The following PCDH15 variants were observed in gnomAD, a reference collection of about 807,000 sequenced individuals.
PCDH15 encodes the protein protocadherin related 15.
PCDH15 carries 129 observed loss-of-function variants against 178.5 expected under a neutral mutation model. The ratio of observed to expected loss-of-function variants is 0.72; its 90% CI spans 0.63 to 0.84. The LOEUF is 0.84. PCDH15 is among the 40% of genes least tolerant of loss of function. The pLI is 0.00. For synonymous variants in PCDH15, 800 were observed against 732.0 expected (o/e 1.09, Z -1.50); for missense variants, 2,230 against 2,099.9 (o/e 1.06, Z -1.21).
chr10:55,437,832 C>CTTTTTTTTTTTTT (rs778307616), intron 2 of PCDH15, among the ~76,000 whole-genome samples: 3 of 85,146 alleles, frequency 3.5e-5, no homozygotes, highest in African/African-American at 9.9e-5. Flanking sequence ...TATTGCTTTT[C>CTTTTTTTTTTTTT]TTTTTTTTTT....
chr10:54,091,381 T>C (rs1347769281), intron 15 of PCDH15, among the ~76,000 whole-genome samples: 1 of 152,144 alleles, frequency 6.6e-6, no homozygotes, highest in Non-Finnish European at 1.5e-5. Context: ...TGAGTTTCTG[T>C]CAGTGACTAC....
Position 54,926,844 on chromosome 10 carries a change from T to C in PCDH15, c.-79-29344A>G, listed in dbSNP as rs1418560748. ...GCATTTATTTGGATCTGTTTACTTT[T>C]TTATTATTCTAGATAGTAGTATATC... On this transcript the variant is annotated intron_variant, in intron 2 of 5. Coordinates refer to the PCDH15 transcript ENST00000458638. 2.0e-5 allele frequency among the ~76,000 whole-genome samples: 3 copies of C among 152,180 alleles called. No individual in the cohort carries two copies. In the East Asian group the frequency reaches 5.8e-4, roughly 29 times the overall value.
At chr10:55,389,515 G>C (rs1472186588) in intron 2 of PCDH15, among the ~76,000 whole-genome samples, 1 of 152,004 alleles carries the variant, frequency 6.6e-6, no homozygotes, top group Non-Finnish European at 1.5e-5. Flanking sequence ...AATGAAATAA[G>C]GCAGTCTCGA....
At chr10:54,743,860 A>G (rs960941826) in intron 1 of PCDH15, among the ~76,000 whole-genome samples, 1 of 152,076 alleles carries the variant, frequency 6.6e-6, no homozygotes, top group African/African-American at 2.4e-5. Flanking sequence ...AACACAAGGA[A>G]TTTTATTTTC....
chr10:54,236,679 T>A lies in PCDH15; in HGVS notation c.985+144A>T, dbSNP rs2054659047. 3 of 732,582 alleles carry A rather than the reference T, an allele frequency of 4.1e-6. No homozygotes were observed. In the South Asian group the frequency reaches 5.0e-5, roughly 12 times the overall value. The allele number at this position is 732,582 out of a possible 1,614,324, so 45.4% of individuals were successfully genotyped here. On this transcript the variant is annotated intron_variant, in intron 9 of 37. Transcript: ENST00000644397. ...AGGAAGCAAATATCTTGAATTATTA[T>A]TTTTAAAATGTGTTTATACACAAAA...
chr10:54,394,146 A>C (rs1950895125), intron 3 of PCDH15, among the ~76,000 whole-genome samples: 1 of 152,194 alleles, frequency 6.6e-6, no homozygotes, highest in African/African-American at 2.4e-5. Context: ...GCCTGTGTAG[A>C]AACTCTTAAG....
At chr10:55,101,175 T>C (rs1196573903) in intron 2 of PCDH15, among the ~76,000 whole-genome samples, 3 of 152,006 alleles carry the variant, frequency 2.0e-5, no homozygotes, top group Admixed American at 2.0e-4. Context: ...GGTCAGGAGT[T>C]TGAGATCAGC....
At chr10:54,062,250 A>AAAAAAAAAAAAAAAAAAAT (rs1565159059) in intron 18 of PCDH15, among the ~76,000 whole-genome samples, 1 of 109,984 alleles carries the variant, frequency 9.1e-6, no homozygotes. Context: ...AAAAAAAAAA[A>AAAAAAAAAAAAAAAAAAAT]AACAAAAAAC....
intron 2 of PCDH15, among the ~76,000 whole-genome samples, chr10:55,478,504 TA>T (rs1019314858): frequency 6.6e-6 from 1 of 151,288 alleles, no homozygotes; most frequent in Non-Finnish European, 1.5e-5. Flanking sequence ...TAAGCAGTTC[TA>T]AAAAAAGAAG....
At chr10:55,560,418 C>T (rs940684474) in intron 2 of PCDH15, among the ~76,000 whole-genome samples, 5 of 151,794 alleles carry the variant, frequency 3.3e-5, no homozygotes, top group Admixed American at 1.3e-4. Context: ...TCTTGGTTGT[C>T]CAATAGTGAT....
chr10:55,391,168 G>A (rs1400795435), intron 2 of PCDH15, among the ~76,000 whole-genome samples: 1 of 151,916 alleles, frequency 6.6e-6, no homozygotes, highest in East Asian at 1.9e-4. Flanking sequence ...ATCTTAGCTA[G>A]ATCATCTGGA....
At chr10:54,639,695 C>A (rs2093948308) in intron 2 of PCDH15, among the ~76,000 whole-genome samples, 1 of 152,004 alleles carries the variant, frequency 6.6e-6, no homozygotes, top group Non-Finnish European at 1.5e-5. Context: ...CTCTGAGAGT[C>A]TGGTAACATA....
chr10:53,965,822 T>A (rs964974260), intron 21 of PCDH15, among the ~76,000 whole-genome samples: 2 of 151,864 alleles, frequency 1.3e-5, no homozygotes, highest in Admixed American at 6.6e-5. Context: ...CTCAAAAACA[T>A]AAAATAAGTT....
chr10:54,104,244 C>T (rs1432388653), intron 15 of PCDH15, among the ~76,000 whole-genome samples: 1 of 152,122 alleles, frequency 6.6e-6, no homozygotes, highest in Non-Finnish European at 1.5e-5. Context: ...TTTCTTCTGA[C>T]AAAAAAGTTT....
chr10:55,261,282 C>A (rs2132235195), intron 1 of PCDH15, among the ~76,000 whole-genome samples: 1 of 152,142 alleles, frequency 6.6e-6, no homozygotes, highest in South Asian at 2.1e-4. Context: ...TCATAATAAT[C>A]CTACTGTGTT....
intron 3 of PCDH15, among the ~76,000 whole-genome samples, chr10:54,411,001 A>G (rs940309819): frequency 2.6e-5 from 4 of 152,246 alleles, no homozygotes; most frequent in South Asian, 4.1e-4. Context: ...ATTTGCAAAG[A>G]ATTGATATAT....
rs201924826 is a variant in PCDH15, at chr10:55,464,625, AAT to A, written c.-156+162998_-156+162999del. Among the ~76,000 whole-genome samples, 222 of 62,934 alleles carry A rather than the reference AAT, an allele frequency of 3.5e-3. 1 individual carries two copies. Among genetic ancestry groups the A allele is most frequent in the Middle Eastern group, 0.014 (2 of 148 alleles). The allele number at this position is 62,934 out of a possible 152,430, so 41.3% of individuals were successfully genotyped here. A position where few individuals can be genotyped will look rare whatever the true frequency, so the allele number is the denominator to read the frequency against. ...TGGCCTAAAACAGTAAATGGGAGTA[AAT>A]ATATATATATATATATATATATATA... On this transcript the variant is annotated intron_variant, in intron 2 of 5. Transcript: ENST00000613346.
intron 1 of PCDH15, among the ~76,000 whole-genome samples, chr10:55,231,845 C>A (rs945326751): frequency 1.3e-5 from 2 of 151,748 alleles, no homozygotes; most frequent in Non-Finnish European, 1.5e-5. Context: ...TTACTAAATT[C>A]TCGATATTTG....
intron 37 of PCDH15, chr10:53,809,407 A>G: frequency 6.2e-7 from 1 of 1,613,990 alleles, no homozygotes; most frequent in Non-Finnish European, 8.5e-7. Context: ...CTTAAAAATC[A>G]TGGGGAATAT....
Sources: allele counts gnomAD v4.1 joint callset (sites outside exome capture counted in the v4.1 genomes callset), GRCh38; gene constraint gnomAD v4.1.1; transcripts MANE v1.5; gene names NCBI Gene and HGNC (gene_info 2026-07-23, HGNC 2026-07-21).